Variants in SGK3 observed in about 807,000 individuals in gnomAD.
SGK3 encodes serum/glucocorticoid regulated kinase family member 3.
In SGK3, 47 loss-of-function variants were observed where a neutral mutation model predicts 68.5. The observed-to-expected ratio is 0.69, with a 90% CI of 0.54 to 0.87. The LOEUF is 0.87. Ranked by LOEUF, SGK3 falls within the 40% of genes least tolerant of loss-of-function variation. SGK3 has a pLI of 0.00. For synonymous variants in SGK3, 181 were observed against 189.1 expected (o/e 0.96, Z 0.35); for missense variants, 479 against 575.5 (o/e 0.83, Z 1.72).
At chr8:66,721,778 A>G (rs767700580) in intron 1 of SGK3, among the ~76,000 whole-genome samples, 2 of 151,570 alleles carry the variant, frequency 1.3e-5, no homozygotes, top group Non-Finnish European at 2.9e-5. Flanking sequence ...TGGGTTGAAT[A>G]GAATGTTTTG....
chr8:66,854,622 A>G (rs1382192254), intron 16 of SGK3, among the ~76,000 whole-genome samples: 1 of 152,082 alleles, frequency 6.6e-6, no homozygotes, highest in Non-Finnish European at 1.5e-5. Context: ...AAATTAGTTA[A>G]GTGTTAAGGG....
intron 1 of SGK3, among the ~76,000 whole-genome samples, chr8:66,775,915 T>G (rs1408004205): frequency 6.6e-6 from 1 of 151,912 alleles, no homozygotes; most frequent in Non-Finnish European, 1.5e-5. Flanking sequence ...AACTTTTCTA[T>G]GCCTTAGTTT....
At chr8:66,803,842 T>G (rs1808050200) in intron 3 of SGK3, among the ~76,000 whole-genome samples, 1 of 151,964 alleles carries the variant, frequency 6.6e-6, no homozygotes, top group African/African-American at 2.4e-5. Context: ...TTTTATTTTT[T>G]AGAGACGAAG....
At chr8:66,851,060 T>C (rs1427601536) in intron 16 of SGK3, 140 bp downstream of exon 16, 1 of 893,190 alleles carries the variant, frequency 1.1e-6, no homozygotes, top group Non-Finnish European at 1.7e-6. Flanking sequence ...CACTCAGGGT[T>C]GTCTAGTATA....
Position 66,804,444 on chromosome 8 carries a change from C to G in SGK3, c.250C>G (p.Pro84Ala), listed in dbSNP as rs1282582183. 1.2e-6 allele frequency: 2 copies of G among 1,612,166 alleles called. No individual in the cohort carries two copies. Among genetic ancestry groups the G allele is most frequent in the Non-Finnish European group, 1.7e-6 (2 of 1,179,328 alleles). The change falls in exon 4 of 17, where the codon CCA becomes GCA. Residue 84 changes from proline to alanine, a missense_variant. Transcript: ENST00000521198. The stretch of plus-strand genomic sequence containing the variant: ...GAGAATATTTGGTGATAATTTTGAT[C>G]CAGGTAAGAAACAACTTCATAGGCC... ...AKRIFGDNFD[P>A]DFIKQRRAGL... is the part of the protein sequence containing the mutation.
At chr8:66,722,060 A>G (rs1563594486) in intron 1 of SGK3, among the ~76,000 whole-genome samples, 1 of 152,080 alleles carries the variant, frequency 6.6e-6, no homozygotes, top group Non-Finnish European at 1.5e-5. Context: ...CAGGAATGCT[A>G]GGTCCCTGCT....
rs1809296805 is a variant in SGK3 at position 66,831,381 on chromosome 8, C to G, written c.525+70C>G. On this transcript the variant is annotated intron_variant, in intron 8 of 16. Transcript: ENST00000521198. Reference sequence around the variant, plus strand: ...TTTTTTTTGGAGACAGGGTCTCACTCTGTTGTCCAGGCTGGAGTGTAGTGG... The same window carrying G: ...TTTTTTTTGGAGACAGGGTCTCACTGTGTTGTCCAGGCTGGAGTGTAGTGG... The G allele has an allele frequency of 1.5e-5, 24 of 1,573,640 alleles. 1 individual carries two copies. The South Asian group carries it at 2.7e-4, about 18-fold the overall frequency.
intron 3 of SGK3, among the ~76,000 whole-genome samples, chr8:66,803,470 C>T (rs1457820636): frequency 8.4e-6 from 1 of 118,670 alleles, no homozygotes; most frequent in Admixed American, 7.9e-5. Context: ...GCTGGGATTA[C>T]AGGCCTCAGT....
chr8:66,838,431 G>A (rs1444316586), intron 10 of SGK3, among the ~76,000 whole-genome samples: 1 of 152,052 alleles, frequency 6.6e-6, no homozygotes, highest in Non-Finnish European at 1.5e-5. Flanking sequence ...TCAATGTTAC[G>A]GTGTTCTAGT....
At chr8:66,822,571 T>A in intron 6 of SGK3, 112 bp downstream of exon 6, 1 of 1,018,100 alleles carries the variant, frequency 9.8e-7, no homozygotes, top group Non-Finnish European at 1.4e-6. Flanking sequence ...GTAGAGTTTC[T>A]ACTATGTAGA....
intron 2 of SGK3, 48 bp downstream of exon 2, chr8:66,793,880 A>C: frequency 6.3e-7 from 1 of 1,576,588 alleles, no homozygotes; most frequent in Non-Finnish European, 8.6e-7. Context: ...AATGTAGAGA[A>C]TATTTTCATT....
chr8:66,846,349 C>G (rs1810012716), intron 14 of SGK3, among the ~76,000 whole-genome samples: 1 of 152,114 alleles, frequency 6.6e-6, no homozygotes, highest in Admixed American at 6.5e-5. Flanking sequence ...GGGTCTCACT[C>G]TGTTGCCCAG....
intron 1 of SGK3, among the ~76,000 whole-genome samples, chr8:66,769,373 G>A (rs1400043198): frequency 3.3e-5 from 5 of 152,084 alleles, no homozygotes; most frequent in Admixed American, 6.6e-5. Context: ...ACAGATGTGC[G>A]CCACCATGCC....
chr8:66,802,399 C>T (rs1344867391), intron 3 of SGK3, among the ~76,000 whole-genome samples: 1 of 152,100 alleles, frequency 6.6e-6, no homozygotes, highest in African/African-American at 2.4e-5. Flanking sequence ...TAGAAATTGT[C>T]AAACACAGGC....
intron 5 of SGK3, among the ~76,000 whole-genome samples, chr8:66,820,874 TA>T (rs1808783574): frequency 6.6e-6 from 1 of 152,084 alleles, no homozygotes; most frequent in Non-Finnish European, 1.5e-5. Context: ...TGGGGTTTTT[TA>T]TTTTATTTTT....
chr8:66,744,726 G>C (rs567286540), intron 1 of SGK3, among the ~76,000 whole-genome samples: 5 of 149,732 alleles, frequency 3.3e-5, no homozygotes, highest in African/African-American at 1.2e-4. Flanking sequence ...GGCTGGTCTT[G>C]TACCCCTGAC....
At chr8:66,749,253 C>T (rs538898422) in intron 1 of SGK3, among the ~76,000 whole-genome samples, 11 of 152,216 alleles carry the variant, frequency 7.2e-5, no homozygotes, top group African/African-American at 2.6e-4. Flanking sequence ...GTGGCTCACA[C>T]CTGTAATCCC....
intron 1 of SGK3, among the ~76,000 whole-genome samples, chr8:66,747,138 A>G (rs1421947891): frequency 6.6e-6 from 1 of 152,154 alleles, no homozygotes; most frequent in Non-Finnish European, 1.5e-5. Flanking sequence ...TTCATGGCCA[A>G]TTCAAATATC....
intron 1 of SGK3, chr8:66,767,462 G>T: frequency 7.0e-7 from 1 of 1,434,176 alleles, no homozygotes; most frequent in Non-Finnish European, 9.8e-7. Flanking sequence ...ATGCTTAAAG[G>T]AGACTGCAAC....
Sources: gnomAD v4.1 joint callset for allele counts (sites outside exome capture counted in the v4.1 genomes callset) on GRCh38, gnomAD v4.1.1 for gene constraint, MANE v1.5 for transcripts, NCBI Gene and HGNC (gene_info 2026-07-23, HGNC 2026-07-21) for gene names.